The following PAQR3 variants were observed in gnomAD, a reference collection of about 807,000 sequenced individuals.
The protein encoded by PAQR3 is Raf kinase trapping to Golgi.
In PAQR3, 39 loss-of-function variants were observed where a neutral mutation model predicts 41.7. The observed-to-expected ratio is 0.93, with a 90% CI of 0.72 to 1.22. The LOEUF (loss-of-function observed/expected upper bound fraction) is 1.22. PAQR3 is among the 50% of genes most tolerant of loss of function. The pLI is 0.00. For synonymous variants in PAQR3, 140 were observed against 140.6 expected, an observed-to-expected ratio of 1.00 and a Z score of 0.03; for missense variants, 366 against 385.6, an observed-to-expected ratio of 0.95 and a Z score of 0.42.
chr4:78,935,968 T>G (rs1052293566), intron 1 of PAQR3, among the ~76,000 whole-genome samples: 29 of 152,338 alleles, frequency 1.9e-4, no homozygotes, highest in African/African-American at 7.0e-4. Flanking sequence ...ACTTTTAATA[T>G]GGGTACTACG....
In PAQR3 at chr4:78,920,634, C is replaced by T. The variant is rs760910074; in HGVS notation, c.841G>A (p.Ala281Thr). Residue 281 changes from alanine to threonine, a missense_variant, in exon 6 of 6, where the codon GCA becomes ACA. By Grantham distance (58) the Ala-to-Thr change is moderately conservative (BLOSUM62 0). Transcript: ENST00000512733. ...TGCCACCAATATAACATCACTACTG[C>T]AAGGATATGCCATATTTGGTGGCTT... ...GSSHQIWHIL[A>T]VVMLYWWHQS... 9 of 1,611,094 alleles carry T rather than the reference C, an allele frequency of 5.6e-6. No homozygotes were observed. In the Admixed American group the frequency reaches 1.5e-4, roughly 27 times the overall value.
In PAQR3 at chr4:78,915,825, T is replaced by TTATACTGC. The variant is rs1166647370; in HGVS notation, c.*4706_*4713dup. 1 of 151,962 alleles carries TTATACTGC rather than the reference T, an allele frequency of 6.6e-6. No individual in the cohort carries two copies. The highest frequency in any genetic ancestry group is 2.4e-5 in the African/African-American group (1 of 41,426). 9.4% of individuals were successfully genotyped at this position (151,962 alleles called of 1,614,324 possible). A position where few individuals can be genotyped will look rare whatever the true frequency, so the allele number is the denominator to read the frequency against. The stretch of plus-strand genomic sequence containing the variant: ...GGTTATTTTTGTTTTATTTTAAAAT[T>TTATACTGC]TATACTGCTACTTTTGAAAGAATTG... On this transcript the variant is annotated 3_prime_UTR_variant, in exon 6 of 6. Transcript: ENST00000512733.
downstream of PAQR3, chr4:78,910,674 C>A: frequency 1.2e-6 from 2 of 1,604,344 alleles, no homozygotes; most frequent in Non-Finnish European, 1.7e-6. Context: ...CAAACCCTAT[C>A]AAGAACGGTA....
rs1404400907 is a variant in PAQR3 at position 78,939,368 on chromosome 4, C to G, written c.-144G>C. The G allele has an allele frequency of 1.4e-5, 9 of 623,046 alleles. No individual in the cohort carries two copies. Among genetic ancestry groups the G allele is most frequent in the African/African-American group, 2.0e-5 (1 of 50,750 alleles). The allele number at this position is 623,046 out of a possible 1,614,324, so 38.6% of individuals were successfully genotyped here. A position where few individuals can be genotyped will look rare whatever the true frequency, so the allele number is the denominator to read the frequency against. On this transcript the variant is annotated 5_prime_UTR_variant, in exon 1 of 6. Coordinates refer to ENST00000512733, the MANE Select transcript of PAQR3 (RefSeq NM_001040202.2). ...ACCGCGCTGCCGCTGCTGCCCAGGG[C>G]CCGGCTCTGCGCTCACACCGGCCAC...
intron 5 of PAQR3, chr4:78,922,954 T>G (rs1735813250): frequency 2.2e-6 from 1 of 456,070 alleles, no homozygotes; most frequent in Admixed American, 2.4e-5. Flanking sequence ...CCCAGTGTCC[T>G]CTTAGTTATT....
chr4:78,901,070 T>G (rs370443767), intron 11 of PAQR3, among the ~76,000 whole-genome samples: 11 of 152,106 alleles, frequency 7.2e-5, no homozygotes, highest in African/African-American at 2.7e-4. Flanking sequence ...GAGATAAGAG[T>G]CTTGCTCTGT....
intron 1 of PAQR3, among the ~76,000 whole-genome samples, chr4:78,936,007 CTG>C (rs1202042055): frequency 7.2e-5 from 11 of 152,166 alleles, no homozygotes; most frequent in Non-Finnish European, 1.5e-4. Flanking sequence ...CCTGGGCTAA[CTG>C]GACTTGGCAG....
chr4:78,937,064 C>T (rs1376602763), intron 1 of PAQR3, among the ~76,000 whole-genome samples: 1 of 152,196 alleles, frequency 6.6e-6, no homozygotes, highest in Non-Finnish European at 1.5e-5. Context: ...TAAGCATACC[C>T]TGAGAATGAC....
At chr4:78,930,126 G>A (rs1219849255) in intron 3 of PAQR3, 44 bp downstream of exon 3, 2 of 1,549,374 alleles carry the variant, frequency 1.3e-6, no homozygotes, top group South Asian at 1.2e-5. Flanking sequence ...GAAAACCCAA[G>A]ACCAATATGA....
rs1198767778 is a variant in PAQR3, at chr4:78,913,688, T to C, written c.*6851A>G. ...TTGCCTATTTTCACAGTTCTGAACTTGGAAAGAAGCAAAGTATATGTAACT... is the reference window on the plus strand; with the variant it reads ...TTGCCTATTTTCACAGTTCTGAACTCGGAAAGAAGCAAAGTATATGTAACT... On this transcript the variant is annotated 3_prime_UTR_variant, in exon 6 of 6. Coordinates refer to ENST00000512733, the MANE Select transcript of PAQR3 (RefSeq NM_001040202.2). 1.3e-5 allele frequency: 2 copies of C among 152,190 alleles called. No homozygotes were observed. Among genetic ancestry groups the C allele is most frequent in the Admixed American group, 1.3e-4 (2 of 15,278 alleles). The allele number at this position is 152,190 out of a possible 1,614,324, so 9.4% of individuals were successfully genotyped here.
intron 11 of PAQR3, among the ~76,000 whole-genome samples, chr4:78,890,162 G>T (rs1294575024): frequency 9.9e-5 from 15 of 151,434 alleles, no homozygotes; most frequent in Admixed American, 9.9e-4. Context: ...GATTTAACAA[G>T]ATTTGAAATG....
chr4:78,924,394 A>G (rs947894927), intron 4 of PAQR3, among the ~76,000 whole-genome samples: 2 of 152,182 alleles, frequency 1.3e-5, no homozygotes, highest in Non-Finnish European at 2.9e-5. Flanking sequence ...CACTGCTGAC[A>G]CAGTATTGAG....
Position 78,887,331 on chromosome 4 carries a change from A to G in PAQR3, c.*925-22T>C, listed in dbSNP as rs200004492. 193 of 1,328,160 alleles carry G rather than the reference A, an allele frequency of 1.5e-4. 1 individual carries two copies. Among genetic ancestry groups the G allele is most frequent in the Non-Finnish European group, 1.9e-4 (183 of 938,538 alleles). 82.3% of individuals were successfully genotyped at this position (1,328,160 alleles called of 1,614,324 possible). A position where few individuals can be genotyped will look rare whatever the true frequency, so the allele number is the denominator to read the frequency against. ...ATCACTGTCACAAATAAAACACACA[A>G]GAACAACAGCAAAATCTTATAAAGT... On this transcript the variant is annotated intron_variant and NMD_transcript_variant, in intron 12 of 12. Coordinates refer to the PAQR3 transcript ENST00000342820.
At position 78,926,695 on chromosome 4, in the gene PAQR3, G is replaced by C; in HGVS notation, c.528C>G (p.Ile176Met). 6.2e-7 allele frequency: 1 copy of C among 1,613,884 alleles called. No individual in the cohort carries two copies. Among genetic ancestry groups the C allele is most frequent in the Non-Finnish European group, 8.5e-7 (1 of 1,179,850 alleles). ...CNNYWRQVYL[I>M]TVLAMILAVF... Reference sequence around the variant, plus strand: ...CTGCCAGGATCATAGCAAGCACTGTGATCAAGTACACCTGACGCCAGTACT... The same window carrying C: ...CTGCCAGGATCATAGCAAGCACTGTCATCAAGTACACCTGACGCCAGTACT... The change falls in exon 4 of 6, where the codon ATC becomes ATG. Residue 176 changes from isoleucine (I) to methionine (M), a missense_variant. Coordinates refer to ENST00000512733, the MANE Select transcript of PAQR3 (RefSeq NM_001040202.2).
downstream of PAQR3, chr4:78,911,357 T>C (rs751389564): frequency 1.9e-6 from 3 of 1,613,934 alleles, no homozygotes; most frequent in Non-Finnish European, 2.5e-6. Flanking sequence ...TCCACTCCAT[T>C]TCAGCCCTTC....
chr4:78,935,035 T>C (rs1737280257), intron 2 of PAQR3, 86 bp downstream of exon 2: 2 of 1,263,162 alleles, frequency 1.6e-6, no homozygotes, highest in South Asian at 2.9e-5. Flanking sequence ...TTAAAGCAAG[T>C]GGTAGGTCTG....
chr4:78,918,686 G>A lies in PAQR3; in HGVS notation c.*1853C>T. ...TACTAATACAGGGACTGCAAAAATTGAAATGATTCAATGTTTTTTTATTTT... is the reference window on the plus strand; with the variant it reads ...TACTAATACAGGGACTGCAAAAATTAAAATGATTCAATGTTTTTTTATTTT... On this transcript the variant is annotated 3_prime_UTR_variant, in exon 6 of 6. Transcript: ENST00000512733. The A allele has an allele frequency of 1.0e-6, 1 of 960,858 alleles. No homozygotes were observed. The highest frequency in any genetic ancestry group is 1.2e-6 in the Non-Finnish European group (1 of 807,652). 59.5% of individuals were successfully genotyped at this position (960,858 alleles called of 1,614,324 possible). A position where few individuals can be genotyped will look rare whatever the true frequency, so the allele number is the denominator to read the frequency against.
At chr4:78,922,845 G>C (rs928249975) in intron 5 of PAQR3, 1 of 447,882 alleles carries the variant, frequency 2.2e-6, no homozygotes, top group Non-Finnish European at 4.5e-6. Flanking sequence ...CACGTAACTA[G>C]AAAGTGGTTG....
downstream of PAQR3, chr4:78,911,415 T>A (rs754696620): frequency 2.5e-6 from 4 of 1,614,038 alleles, no homozygotes; most frequent in East Asian, 6.7e-5. Flanking sequence ...TTTTTGGGCT[T>A]GTGCCCTTTG....
Sources: allele counts gnomAD v4.1 joint callset (sites outside exome capture counted in the v4.1 genomes callset), GRCh38; gene constraint gnomAD v4.1.1; transcripts MANE v1.5; gene names NCBI Gene and HGNC (gene_info 2026-07-23, HGNC 2026-07-21).